Variants in CNOT10 observed in about 807,000 individuals in gnomAD.
The protein encoded by CNOT10 is CCR4-NOT transcription complex, subunit 10.
Under a neutral mutation model 94.6 loss-of-function variants are expected in CNOT10, and 30 were observed. The observed-to-expected ratio is 0.32, with a 90% CI of 0.24 to 0.43. The LOEUF is 0.43. Among genes scored for constraint, CNOT10 ranks in the 20% least tolerant of loss-of-function variants. The probability of loss-of-function intolerance (pLI) is 1.00; values close to 1 mark genes in which losing one functional copy is unlikely to be tolerated. For synonymous variants in CNOT10, 289 were observed against 301.6 expected, an observed-to-expected ratio of 0.96 and a Z score of 0.43; for missense variants, 759 against 877.2, an observed-to-expected ratio of 0.87 and a Z score of 1.70.
intron 13 of CNOT10, among the ~76,000 whole-genome samples, chr3:32,755,319 CTT>C (rs777391696): frequency 1.5e-5 from 2 of 131,156 alleles, no homozygotes; most frequent in Non-Finnish European, 3.3e-5. Context: ...TTTTCTTTTT[CTT>C]TTTTTTTTTT....
At chr3:32,756,613 A>G (rs1700234777) in intron 13 of CNOT10, among the ~76,000 whole-genome samples, 1 of 152,226 alleles carries the variant, frequency 6.6e-6, no homozygotes, top group South Asian at 2.1e-4. Flanking sequence ...CTTCATTAGC[A>G]AAGTGACCTA....
At chr3:32,694,563 ATAT>A (rs1696972787) in intron 1 of CNOT10, among the ~76,000 whole-genome samples, 2 of 152,002 alleles carry the variant, frequency 1.3e-5, no homozygotes, top group African/African-American at 2.4e-5. Context: ...AAGCATGCTG[ATAT>A]TGTTTTTTCT....
At chr3:32,721,888 G>A (rs375827095) in intron 8 of CNOT10, among the ~76,000 whole-genome samples, 1 of 151,566 alleles carries the variant, frequency 6.6e-6, no homozygotes, top group Non-Finnish European at 1.5e-5. Context: ...TCCTGACCTC[G>A]TGATCCGCCC....
At chr3:32,700,271 C>T (rs1257001982) in intron 1 of CNOT10, among the ~76,000 whole-genome samples, 1 of 152,052 alleles carries the variant, frequency 6.6e-6, no homozygotes, top group African/African-American at 2.4e-5. Context: ...CCACTGCGCC[C>T]GGCCTCAGTT....
intron 1 of CNOT10, among the ~76,000 whole-genome samples, chr3:32,689,371 A>G (rs978758867): frequency 5.3e-5 from 8 of 151,910 alleles, no homozygotes; most frequent in Admixed American, 1.3e-4. Flanking sequence ...AAAAAAAAGA[A>G]AAAGAAAAAA....
At chr3:32,729,225 A>T (rs904896882) in intron 10 of CNOT10, among the ~76,000 whole-genome samples, 20 of 152,226 alleles carry the variant, frequency 1.3e-4, no homozygotes, top group Non-Finnish European at 4.4e-5. Flanking sequence ...TCTCTCTGAC[A>T]CATGATTGCC....
chr3:32,695,961 TGAAGA>T (rs1425677975), intron 1 of CNOT10: 1 of 663,268 alleles, frequency 1.5e-6, no homozygotes, highest in African/African-American at 2.0e-5. Context: ...ATAATCCTGT[TGAAGA>T]GAGTGTGTGT....
chr3:32,745,698 T>C (rs1329116562), intron 13 of CNOT10, among the ~76,000 whole-genome samples: 3 of 152,082 alleles, frequency 2.0e-5, no homozygotes, highest in Non-Finnish European at 4.4e-5. Flanking sequence ...ACTAGTCAGC[T>C]ATAAGGAAGA....
chr3:32,752,112 A>G (rs1286073088), intron 13 of CNOT10, among the ~76,000 whole-genome samples: 1 of 152,138 alleles, frequency 6.6e-6, no homozygotes, highest in Non-Finnish European at 1.5e-5. Context: ...AACATAGAGA[A>G]ACCCCATCTC....
chr3:32,747,466 G>A (rs529813924), intron 13 of CNOT10, among the ~76,000 whole-genome samples: 5 of 151,784 alleles, frequency 3.3e-5, no homozygotes, highest in South Asian at 2.1e-4. Context: ...ATAATTTTAC[G>A]TGTTTCTTTT....
At chr3:32,768,956 G>A (rs1039473841) in intron 17 of CNOT10, 1 of 152,188 alleles carries the variant, frequency 6.6e-6, no homozygotes, top group Non-Finnish European at 1.5e-5. Flanking sequence ...CCAAAGCTCT[G>A]TTTGAAAGAA....
chr3:32,743,095 C>A (rs1370566395), intron 13 of CNOT10, among the ~76,000 whole-genome samples: 2 of 150,582 alleles, frequency 1.3e-5, no homozygotes, highest in Admixed American at 6.7e-5. Context: ...AAGCAGTTCT[C>A]CTGCCTCAGC....
At chr3:32,748,915 G>A (rs545750301) in intron 13 of CNOT10, among the ~76,000 whole-genome samples, 95 of 151,726 alleles carry the variant, frequency 6.3e-4, no homozygotes, top group African/African-American at 2.1e-3. Context: ...ACCCACCTCC[G>A]GGTTCAAGCA....
At chr3:32,697,629 C>T (rs555409047) in intron 1 of CNOT10, among the ~76,000 whole-genome samples, 2 of 152,246 alleles carry the variant, frequency 1.3e-5, no homozygotes, top group South Asian at 2.1e-4. Context: ...TGCCACTATG[C>T]CTGGCTAATT....
At chr3:32,747,725 A>T (rs973766100) in intron 13 of CNOT10, among the ~76,000 whole-genome samples, 5 of 152,084 alleles carry the variant, frequency 3.3e-5, no homozygotes, top group South Asian at 2.1e-4. Flanking sequence ...CGAGACGGGC[A>T]GATCACGAGG....
intron 13 of CNOT10, among the ~76,000 whole-genome samples, chr3:32,749,203 C>G (rs994147107): frequency 3.3e-5 from 5 of 150,912 alleles, no homozygotes; most frequent in Non-Finnish European, 5.9e-5. Context: ...GTTGTCTTTT[C>G]ACTTTTTTGA....
intron 13 of CNOT10, among the ~76,000 whole-genome samples, chr3:32,757,509 G>A (rs1049983811): frequency 3.3e-5 from 5 of 152,074 alleles, no homozygotes; most frequent in East Asian, 1.9e-4. Context: ...TCCGGAGACC[G>A]GACCTTTAAT....
intron 18 of CNOT10, among the ~76,000 whole-genome samples, chr3:32,770,597 T>C (rs941024622): frequency 6.6e-6 from 1 of 152,100 alleles, no homozygotes; most frequent in Non-Finnish European, 1.5e-5. Context: ...AGTGCTTGGA[T>C]TACAGGCGTG....
At chr3:32,729,807 C>T (rs1368696994) in intron 10 of CNOT10, among the ~76,000 whole-genome samples, 4 of 125,846 alleles carry the variant, frequency 3.2e-5, no homozygotes, top group East Asian at 2.3e-4. Context: ...CTCGCCCTGT[C>T]GCCCAGGCTG....
Sources: gnomAD v4.1 joint callset for allele counts (sites outside exome capture counted in the v4.1 genomes callset) on GRCh38, gnomAD v4.1.1 for gene constraint, MANE v1.5 for transcripts, NCBI Gene and HGNC (gene_info 2026-07-23, HGNC 2026-07-21) for gene names.